The following KMT2A variants were observed in gnomAD, a reference collection of about 807,000 sequenced individuals.
KMT2A encodes histone-lysine N-methyltransferase 2A.
A neutral mutation model predicts 345.3 loss-of-function variants in KMT2A; 16 were observed. That is an observed-to-expected ratio of 0.05 (90% CI 0.03 to 0.07). The LOEUF (loss-of-function observed/expected upper bound fraction) is 0.07, where lower values mean the gene tolerates loss of function less well. Among genes scored for constraint, KMT2A ranks in the 10% least tolerant of loss-of-function variants. The probability of loss-of-function intolerance (pLI) is 1.00; values close to 1 mark genes in which losing one functional copy is unlikely to be tolerated. For missense variants in KMT2A, 3,272 were observed against 4,841.6 expected (o/e 0.68, Z 9.62); for synonymous variants, 1,599 against 1,778.6 (o/e 0.90, Z 2.54).
In KMT2A at chr11:118,502,895, G is replaced by A. The variant is rs782267863; in HGVS notation, c.7003G>A (p.Ala2335Thr). ...NVAYPGIPKL[A>T]PQVHNTTSRE... ...GGCTTACCCTGGAATTCCTAAACTG[G>A]CCCCACAGGTTCATAACACAACATC... The change falls in exon 27 of 36, where the codon GCC becomes ACC. Residue 2335 changes from alanine to threonine, a missense_variant. Ala to Thr is a moderately conservative substitution (Grantham distance 58). Coordinates refer to ENST00000534358, the MANE Select transcript of KMT2A (RefSeq NM_001197104.2). The surrounding 1 kb of genome is among the most constrained non-coding windows in gnomAD (Gnocchi z 4.9). The A allele has an allele frequency of 6.2e-7, 1 of 1,614,106 alleles. No homozygotes were observed. The highest frequency in any genetic ancestry group is 2.2e-5 in the East Asian group (1 of 44,886).
intron 31 of KMT2A, among the ~76,000 whole-genome samples, chr11:118,512,723 G>C (rs962224991): frequency 6.6e-6 from 1 of 151,250 alleles, no homozygotes; most frequent in Non-Finnish European, 1.5e-5. Context: ...TTTCCAAAGT[G>C]GCTATACCAT....
In KMT2A at chr11:118,471,882, T is replaced by A; in HGVS notation, c.723T>A (p.Ile241=). The A allele has an allele frequency of 6.2e-7, 1 of 1,613,310 alleles. No individual in the cohort carries two copies. The highest frequency in any genetic ancestry group is 8.5e-7 in the Non-Finnish European group (1 of 1,179,794). Residue 241 remains isoleucine, a synonymous_variant, in exon 3 of 36, where the codon ATT becomes ATA. Coordinates refer to ENST00000534358, the MANE Select transcript of KMT2A (RefSeq NM_001197104.2). The stretch of plus-strand genomic sequence containing the variant: ...TCAAAATAACACATGGAAAGGACAT[T>A]TCAGAGTTACCAAAGGGAAACAAAG... ...VKIKITHGKD[I]SELPKGNKED...
intron 28 of KMT2A, among the ~76,000 whole-genome samples, chr11:118,508,276 C>A (rs1331204226): frequency 2.0e-5 from 3 of 152,034 alleles, no homozygotes; most frequent in Non-Finnish European, 4.4e-5. Context: ...ACATACTGTT[C>A]TGTATTTGGT....
chr11:118,467,410 A>G (rs1949865726), intron 1 of KMT2A, among the ~76,000 whole-genome samples: 1 of 152,016 alleles, frequency 6.6e-6, no homozygotes, highest in African/African-American at 2.4e-5. Context: ...ACTTTTTCAG[A>G]TGTCTTTGAA....
At position 118,504,626 on chromosome 11, in the gene KMT2A, A is replaced by G. The variant is rs1438916425; in HGVS notation, c.8734A>G (p.Ser2912Gly). 2 of 1,614,040 alleles carry G rather than the reference A, an allele frequency of 1.2e-6. No individual in the cohort carries two copies. Among genetic ancestry groups the G allele is most frequent in the Admixed American group, 1.7e-5 (1 of 60,006 alleles). Residue 2912 changes from serine (S) to glycine (G), a missense_variant, in exon 27 of 36, where the codon AGT becomes GGT. By Grantham distance (56) the Ser-to-Gly change is moderately conservative. Around this residue, in one of 27 missense-constraint regions of KMT2A, gnomAD observed 748 missense variants for 922.2 expected, o/e 0.81. Coordinates refer to ENST00000534358, the MANE Select transcript of KMT2A (RefSeq NM_001197104.2). This position sits in a 1 kb window ranked among gnomAD's most constrained non-coding sequence, Gnocchi z 6.4. ...GCTGCCTACAACAGAACCTGTGGAT[A>G]GTAGTGTCTCTTCCTCTATCTCAGC... ...QQLPTTEPVD[S>G]SVSSSISAEE...
At chr11:118,468,672 C>T (rs1949890270) in intron 1 of KMT2A, 103 bp from the exon 2 acceptor site, 1 of 833,924 alleles carries the variant, frequency 1.2e-6, no homozygotes, top group Non-Finnish European at 2.0e-6. Context: ...TATATAAAGG[C>T]AACTTTTCCA....
At chr11:118,439,349 A>G (rs1306301875) in intron 1 of KMT2A, among the ~76,000 whole-genome samples, 1 of 152,148 alleles carries the variant, frequency 6.6e-6, no homozygotes, top group Admixed American at 6.5e-5. Flanking sequence ...CTTGTTCAGT[A>G]TGCTTATTTA....
At position 118,477,498 on chromosome 11, in the gene KMT2A, C is replaced by CTTTTTTTTTTT. The variant is rs11430367; in HGVS notation, c.3335-452_3335-442dup. ...CTTTCATCAAGATGCAAGTTATTGGCTTTTTTTTTTTTTTTTTTTTTTTTT... is the reference window on the plus strand; with the variant it reads ...CTTTCATCAAGATGCAAGTTATTGGCTTTTTTTTTTTTTTTTTTTTTTTTTTTTTTTTTTTT... On this transcript the variant is annotated intron_variant, in intron 4 of 35. Transcript: ENST00000534358. Among the ~76,000 whole-genome samples the CTTTTTTTTTTT allele has an allele frequency of 1.2e-3, 66 of 56,942 alleles. 21 individuals carry two copies. The highest frequency in any genetic ancestry group is 5.0e-3 in the African/African-American group (65 of 12,982). 37.4% of individuals were successfully genotyped at this position (56,942 alleles called of 152,430 possible). A position where few individuals can be genotyped will look rare whatever the true frequency, so the allele number is the denominator to read the frequency against.
intron 1 of KMT2A, 105 bp downstream of exon 1, chr11:118,437,049 G>C (rs1591332546): frequency 7.8e-7 from 1 of 1,275,610 alleles, no homozygotes; most frequent in Non-Finnish European, 1.0e-6. Flanking sequence ...GGACCATCTC[G>C]GGGTCCCTGA....
At position 118,436,834 on chromosome 11, in the gene KMT2A, G is replaced by T. The variant is rs1482202552; in HGVS notation, c.322G>T (p.Val108Leu). 1 of 1,606,560 alleles carries T rather than the reference G, an allele frequency of 6.2e-7. No homozygotes were observed. The highest frequency in any genetic ancestry group is 8.5e-7 in the Non-Finnish European group (1 of 1,176,968). The change falls in exon 1 of 36, where the codon GTG (valine) becomes TTG (leucine). Residue 108 changes from valine to leucine, a missense_variant. Coordinates refer to ENST00000534358, the MANE Select transcript of KMT2A (RefSeq NM_001197104.2). The surrounding 1 kb of genome is among the most constrained non-coding windows in gnomAD (Gnocchi z 6.9). Reference sequence around the variant, plus strand: ...CTCTTCAGGGCCGGCCCTGCTCCGGGTGGGCCCGGGCTTCGACGCGGCGCT... The same window carrying T: ...CTCTTCAGGGCCGGCCCTGCTCCGGTTGGGCCCGGGCTTCGACGCGGCGCT... ...SASSGPALLR[V>L]GPGFDAALQV... is the part of the protein sequence containing the mutation.
intron 28 of KMT2A, 77 bp downstream of exon 28, chr11:118,507,686 C>G (rs1360134941): frequency 8.2e-7 from 1 of 1,217,928 alleles, no homozygotes; most frequent in Non-Finnish European, 1.2e-6. Flanking sequence ...TCTTCCAGGC[C>G]GGGCGCAGTG....
At position 118,500,906 on chromosome 11, in the gene KMT2A, G is replaced by C. The variant is rs113814572; in HGVS notation, c.6159-81G>C. The C allele has an allele frequency of 2.3e-5, 26 of 1,122,166 alleles. No individual in the cohort carries two copies. In the African/African-American group the frequency reaches 3.2e-4, roughly 14 times the overall value. 69.5% of individuals were successfully genotyped at this position (1,122,166 alleles called of 1,614,324 possible). A position where few individuals can be genotyped will look rare whatever the true frequency, so the allele number is the denominator to read the frequency against. ...TAATTAAGAGGGCCAGGGAACCTAG[G>C]ATAAAGAGAGGTTTTGAAAAATGCT... On this transcript the variant is annotated intron_variant, in intron 24 of 35. Transcript: ENST00000534358.
chr11:118,484,876 A>G lies in KMT2A; in HGVS notation c.4233A>G (p.Ala1411=). 1 of 1,613,478 alleles carries G rather than the reference A, an allele frequency of 6.2e-7. No homozygotes were observed. Among genetic ancestry groups the G allele is most frequent in the Non-Finnish European group, 8.5e-7 (1 of 1,179,390 alleles). The change falls in exon 10 of 36, where the codon GCA becomes GCG. Residue 1411 remains alanine, a synonymous_variant. Coordinates refer to ENST00000534358, the MANE Select transcript of KMT2A (RefSeq NM_001197104.2). This position sits in a 1 kb window ranked among gnomAD's most constrained non-coding sequence, Gnocchi z 4.1. ...IRVDFKEDCE[A]ENVWEMGGLG... is the part of the protein sequence containing the mutation. ...TCTCTCCACAGGAGGATTGTGAAGC[A>G]GAAAATGTGTGGGAGATGGGAGGCT...
At chr11:118,479,704 G>A (rs1197603234) in intron 5 of KMT2A, among the ~76,000 whole-genome samples, 1 of 152,148 alleles carries the variant, frequency 6.6e-6, no homozygotes, top group Non-Finnish European at 1.5e-5. Context: ...GATTACATTT[G>A]AATTTTATTA....
intron 10 of KMT2A, among the ~76,000 whole-genome samples, chr11:118,487,353 T>A (rs525549): frequency 0.33 from 50,380 of 151,992 alleles, 9,542 homozygotes; most frequent in Middle Eastern, 0.45. Context: ...AAAATATAAA[T>A]TAGAGAATAG....
At chr11:118,499,724 G>T in intron 23 of KMT2A, 111 bp from the exon 24 acceptor site, 1 of 798,846 alleles carries the variant, frequency 1.3e-6, no homozygotes, top group Non-Finnish European at 2.1e-6. Context: ...AGGCTGCAGT[G>T]AGCTGAGATT....
At chr11:118,451,838 A>G (rs1436441414) in intron 1 of KMT2A, among the ~76,000 whole-genome samples, 1 of 152,082 alleles carries the variant, frequency 6.6e-6, no homozygotes, top group Non-Finnish European at 1.5e-5. Flanking sequence ...CAGGAATATA[A>G]GTATTCACAT....
chr11:118,518,371 A>C (rs1950870056), intron 31 of KMT2A, among the ~76,000 whole-genome samples: 2 of 152,228 alleles, frequency 1.3e-5, no homozygotes, highest in South Asian at 4.1e-4. Flanking sequence ...AAAAATGCTC[A>C]TTAACAGCAT....
intron 1 of KMT2A, among the ~76,000 whole-genome samples, chr11:118,465,412 T>G (rs1949825448): frequency 6.6e-6 from 1 of 152,188 alleles, no homozygotes; most frequent in African/African-American, 2.4e-5. Flanking sequence ...TGTTGAGAAA[T>G]AAAATTTATA....
Sources: allele counts gnomAD v4.1 joint callset (sites outside exome capture counted in the v4.1 genomes callset), GRCh38; gene constraint gnomAD v4.1.1; regional missense constraint gnomAD v4.1.1; non-coding constraint Gnocchi (gnomAD v3.1); transcripts MANE v1.5; gene names NCBI Gene and HGNC (gene_info 2026-07-23, HGNC 2026-07-21).